Variants in GPR107 observed in about 807,000 individuals in gnomAD.
GPR107 encodes the protein G protein-coupled receptor 107.
Under a neutral mutation model 75.5 loss-of-function variants are expected in GPR107, and 31 were observed. That is an observed-to-expected ratio of 0.41 (90% CI 0.31 to 0.55). The LOEUF is 0.55. Ranked by LOEUF, GPR107 falls within the 20% of genes least tolerant of loss-of-function variation. The probability of loss-of-function intolerance (pLI) is 0.26; values close to 1 mark genes in which losing one functional copy is unlikely to be tolerated. For synonymous variants in GPR107, 267 were observed against 251.3 expected, an observed-to-expected ratio of 1.06 and a Z score of -0.59; for missense variants, 572 against 665.7, an observed-to-expected ratio of 0.86 and a Z score of 1.55.
rs1268751427 is a variant in GPR107, at chr9:130,104,637, T to C, written c.1262+87T>C. 21 of 1,089,188 alleles carry C rather than the reference T, an allele frequency of 1.9e-5. No homozygotes were observed. In the Admixed American group the frequency reaches 3.7e-4, roughly 19 times the overall value. The allele number at this position is 1,089,188 out of a possible 1,614,324, so 67.5% of individuals were successfully genotyped here. A position where few individuals can be genotyped will look rare whatever the true frequency, so the allele number is the denominator to read the frequency against. On this transcript the variant is annotated intron_variant, in intron 13 of 17. Coordinates refer to ENST00000347136, the MANE Select transcript of GPR107 (RefSeq NM_020960.5). ...CTGGCCATTCCCAAACTGATCTCAG[T>C]CACATGGGACGTGTGTTTAAAAGTA... is the stretch of plus-strand genomic sequence containing the variant.
chr9:130,124,373 G>A (rs1831622750), intron 14 of GPR107, among the ~76,000 whole-genome samples: 1 of 152,148 alleles, frequency 6.6e-6, no homozygotes, highest in Non-Finnish European at 1.5e-5. Flanking sequence ...ATCCAGCCAG[G>A]GAGGTTGTAC....
At chr9:130,075,462 T>G (rs965680535) in intron 1 of GPR107, among the ~76,000 whole-genome samples, 174 bp from the exon 2 acceptor site, 3 of 152,054 alleles carry the variant, frequency 2.0e-5, no homozygotes, top group Non-Finnish European at 2.9e-5. Flanking sequence ...GCCAGTGTGG[T>G]CTCAAACTCC....
chr9:130,119,005 G>C (rs1737326924), intron 14 of GPR107, among the ~76,000 whole-genome samples: 2 of 152,198 alleles, frequency 1.3e-5, no homozygotes, highest in African/African-American at 4.8e-5. Context: ...GTCAGAAATA[G>C]CCCGCCCAGC....
At chr9:130,125,008 A>C in intron 15 of GPR107, 44 bp downstream of exon 15, 2 of 980,268 alleles carry the variant, frequency 2.0e-6, no homozygotes, top group Non-Finnish European at 3.0e-6. Context: ...AATAAAATCA[A>C]TTCAAGGAGT....
At chr9:130,075,938 T>A (rs1024265581) in intron 2 of GPR107, among the ~76,000 whole-genome samples, 189 bp downstream of exon 2, 1 of 152,052 alleles carries the variant, frequency 6.6e-6, no homozygotes, top group Non-Finnish European at 1.5e-5. Flanking sequence ...CCCACCACCA[T>A]GACCGTCTAA....
At chr9:130,124,011 A>T (rs578252019) in intron 14 of GPR107, among the ~76,000 whole-genome samples, 17 of 152,232 alleles carry the variant, frequency 1.1e-4, no homozygotes, top group African/African-American at 4.1e-4. Flanking sequence ...ATTCTTGTAG[A>T]TTCTGTTAGT....
chr9:130,131,886 T>C (rs1373981319), intron 17 of GPR107, among the ~76,000 whole-genome samples: 1 of 152,144 alleles, frequency 6.6e-6, no homozygotes, highest in Non-Finnish European at 1.5e-5. Flanking sequence ...CTGTCCATCC[T>C]TCTATTCCCC....
chr9:130,073,688 C>G (rs1001516128), intron 1 of GPR107, among the ~76,000 whole-genome samples: 12 of 152,172 alleles, frequency 7.9e-5, no homozygotes, highest in Non-Finnish European at 1.5e-4. Flanking sequence ...ACAGGGAAGC[C>G]AGGGCTTCCC....
At chr9:130,091,774 C>A (rs1181070399) in intron 8 of GPR107, among the ~76,000 whole-genome samples, 2 of 151,504 alleles carry the variant, frequency 1.3e-5, no homozygotes, top group Non-Finnish European at 2.9e-5. Context: ...TGGCTCACTG[C>A]AACCTCTGCC....
At chr9:130,099,632 C>CA (rs1830965455) in intron 10 of GPR107, 100 bp downstream of exon 10, 2 of 698,668 alleles carry the variant, frequency 2.9e-6, no homozygotes, top group African/African-American at 1.8e-5. Context: ...TGGTGGGAAA[C>CA]AAAGACAAAG....
intron 8 of GPR107, 28 bp downstream of exon 8, chr9:130,091,011 G>A (rs370263912): frequency 1.1e-4 from 101 of 921,384 alleles, no homozygotes; most frequent in South Asian, 2.1e-4. Flanking sequence ...ATTGTTCTAC[G>A]TGGATTTTGT....
intron 14 of GPR107, among the ~76,000 whole-genome samples, chr9:130,123,525 C>CTTTCTTTT (rs1564684318): frequency 7.4e-6 from 1 of 135,546 alleles, no homozygotes; most frequent in Non-Finnish European, 1.6e-5. Context: ...TCTTTCTTTT[C>CTTTCTTTT]TTTTCTTTTT....
At chr9:130,077,186 G>A (rs1830371993) in intron 3 of GPR107, 113 bp from the exon 4 acceptor site, 2 of 699,210 alleles carry the variant, frequency 2.9e-6, no homozygotes. Context: ...ACGCCCACCG[G>A]TTTACTATTT....
rs562685735 is a variant in GPR107 at position 130,076,552 on chromosome 9, A to T, written c.306+90A>T. ...CCCTACTTCTTGCAGTTCCATTTTC[A>T]TTTTTTTTTTGGAGTACGGTGGCAC... On this transcript the variant is annotated intron_variant, in intron 3 of 17. Coordinates refer to ENST00000347136, the MANE Select transcript of GPR107 (RefSeq NM_020960.5). 22 of 740,774 alleles carry T rather than the reference A, an allele frequency of 3.0e-5. No individual in the cohort carries two copies. The East Asian group carries it at 4.1e-4, about 14-fold the overall frequency. The allele number at this position is 740,774 out of a possible 1,614,324, so 45.9% of individuals were successfully genotyped here. A position where few individuals can be genotyped will look rare whatever the true frequency, so the allele number is the denominator to read the frequency against.
chr9:130,088,481 C>A (rs1830665044), intron 7 of GPR107, among the ~76,000 whole-genome samples: 1 of 152,176 alleles, frequency 6.6e-6, no homozygotes, highest in Admixed American at 6.5e-5. Flanking sequence ...CCTGTCTCCC[C>A]CTCTACAGAA....
intron 15 of GPR107, among the ~76,000 whole-genome samples, chr9:130,126,455 C>T (rs1831689695): frequency 1.3e-5 from 2 of 149,748 alleles, no homozygotes; most frequent in Admixed American, 6.7e-5. Flanking sequence ...AAGCGATTCT[C>T]TTGCCTCAGC....
At position 130,112,857 on chromosome 9, in the gene GPR107, C is replaced by T. The variant is rs1831338718; in HGVS notation, c.1306+5318C>T. 6.6e-6 allele frequency among the ~76,000 whole-genome samples: 1 copy of T among 152,082 alleles called. No individual in the cohort carries two copies. Among genetic ancestry groups the T allele is most frequent in the Non-Finnish European group, 1.5e-5 (1 of 68,018 alleles). On this transcript the variant is annotated intron_variant, in intron 14 of 17. Transcript: ENST00000347136. This position sits in a 1 kb window ranked among gnomAD's most constrained non-coding sequence, Gnocchi z 4.0. ...CTCAACCTCCTGGGCCCAACCGATC[C>T]TCTCACCTCAGCCCTCAAAGTAGCT... is the stretch of plus-strand genomic sequence containing the variant.
chr9:130,077,769 C>T (rs1051275613), intron 4 of GPR107, among the ~76,000 whole-genome samples: 2 of 152,224 alleles, frequency 1.3e-5, no homozygotes, highest in African/African-American at 4.8e-5. Context: ...TTCTGCCACT[C>T]ACCAGCCCTG....
Position 130,139,436 on chromosome 9 carries a change from G to A in GPR107, c.*4315G>A, listed in dbSNP as rs1832041390. On this transcript the variant is annotated 3_prime_UTR_variant, in exon 18 of 18. Transcript: ENST00000347136. ...TCCAGATTCCCCAGAGGCCACTTCT[G>A]TAGCCCAGCGATGCATCTGAGCCTC... is the stretch of plus-strand genomic sequence containing the variant. 1 of 152,188 alleles carries A rather than the reference G, an allele frequency of 6.6e-6. No homozygotes were observed. The highest frequency in any genetic ancestry group is 1.5e-5 in the Non-Finnish European group (1 of 68,052). The allele number at this position is 152,188 out of a possible 1,614,324, so 9.4% of individuals were successfully genotyped here.
Sources: gnomAD v4.1 joint callset for allele counts (sites outside exome capture counted in the v4.1 genomes callset) on GRCh38, gnomAD v4.1.1 for gene constraint, Gnocchi (gnomAD v3.1) non-coding constraint, MANE v1.5 for transcripts, NCBI Gene and HGNC (gene_info 2026-07-23, HGNC 2026-07-21) for gene names.